Variants in CHODL observed in about 807,000 individuals in gnomAD.
CHODL encodes transmembrane protein MT75.
CHODL carries 29 observed loss-of-function variants against 34.5 expected under a neutral mutation model. The observed-to-expected ratio is 0.84, with a 90% CI of 0.63 to 1.15. The LOEUF (loss-of-function observed/expected upper bound fraction) is 1.15. CHODL is among the 50% of genes most tolerant of loss of function. The pLI is 0.00. For missense variants in CHODL, 332 were observed against 332.5 expected (o/e 1.00, Z 0.01); for synonymous variants, 125 against 116.1 (o/e 1.08, Z -0.49).
intron 2 of CHODL, among the ~76,000 whole-genome samples, chr21:18,205,511 G>A (rs1331631626): frequency 6.6e-6 from 1 of 151,800 alleles, no homozygotes; most frequent in Non-Finnish European, 1.5e-5. Flanking sequence ...GTTTGCATTT[G>A]GCTTGCTCTT....
intron 2 of CHODL, among the ~76,000 whole-genome samples, chr21:18,100,525 T>G (rs975224076): frequency 2.0e-5 from 3 of 152,180 alleles, no homozygotes; most frequent in Non-Finnish European, 4.4e-5. Context: ...ATGCAATTCC[T>G]AATGTTCATA....
chr21:18,248,948 A>G (rs1194158830), intron 1 of CHODL, among the ~76,000 whole-genome samples: 1 of 112,736 alleles, frequency 8.9e-6, no homozygotes, highest in Non-Finnish European at 1.6e-5. Flanking sequence ...TTATGTATAC[A>G]TATATATGTA....
intron 2 of CHODL, among the ~76,000 whole-genome samples, chr21:18,147,104 AT>A (rs1195722644): frequency 4.6e-5 from 7 of 152,194 alleles, no homozygotes; most frequent in Non-Finnish European, 1.0e-4. Context: ...ATGTGCTACT[AT>A]TCTCTAGGGC....
intron 2 of CHODL, among the ~76,000 whole-genome samples, chr21:18,079,040 T>C (rs1021107200): frequency 2.6e-5 from 4 of 152,192 alleles, no homozygotes; most frequent in African/African-American, 9.6e-5. Flanking sequence ...ATATATTGTA[T>C]AGTGGTAAAG....
intron 1 of CHODL, among the ~76,000 whole-genome samples, chr21:17,988,851 A>G (rs1242348197): frequency 6.6e-6 from 1 of 152,036 alleles, no homozygotes; most frequent in Admixed American, 6.5e-5. Context: ...TAATGCCGCA[A>G]TAAACATACA....
chr21:18,146,740 A>C (rs954271767), intron 2 of CHODL, among the ~76,000 whole-genome samples: 3 of 152,114 alleles, frequency 2.0e-5, no homozygotes, highest in African/African-American at 7.2e-5. Flanking sequence ...CATCTCTTTT[A>C]TTTCAAGAGA....
intron 2 of CHODL, among the ~76,000 whole-genome samples, chr21:18,221,124 G>A (rs559922221): frequency 1.3e-5 from 2 of 151,872 alleles, no homozygotes; most frequent in South Asian, 2.1e-4. Context: ...ATTCCAAAAC[G>A]CTTGTCTTCA....
intron 1 of CHODL, among the ~76,000 whole-genome samples, chr21:18,014,540 C>T (rs2064052589): frequency 6.6e-6 from 1 of 152,146 alleles, no homozygotes; most frequent in Non-Finnish European, 1.5e-5. Context: ...GAATTGTAAT[C>T]CCCAGTGCTG....
At chr21:18,124,446 G>C (rs2065518046) in intron 2 of CHODL, among the ~76,000 whole-genome samples, 1 of 152,112 alleles carries the variant, frequency 6.6e-6, no homozygotes, top group South Asian at 2.1e-4. Context: ...TTGTATCTGT[G>C]CTCTGAGGGT....
chr21:18,248,643 TATATATTATATAC>T (rs2074175630), intron 1 of CHODL, among the ~76,000 whole-genome samples: 1 of 128,668 alleles, frequency 7.8e-6, no homozygotes, highest in African/African-American at 3.1e-5. Context: ...TACATATATG[TATATATTATATAC>T]ATATATATGT....
intron 2 of CHODL, among the ~76,000 whole-genome samples, chr21:18,168,786 C>A (rs1049525439): frequency 2.6e-5 from 4 of 152,022 alleles, no homozygotes; most frequent in Non-Finnish European, 5.9e-5. Flanking sequence ...AAATGTCTTG[C>A]TTTTTTCTTT....
intron 2 of CHODL, among the ~76,000 whole-genome samples, chr21:18,104,244 C>T (rs1003612479): frequency 1.3e-5 from 2 of 152,128 alleles, no homozygotes; most frequent in African/African-American, 4.8e-5. Context: ...AATCACCATA[C>T]ACGTGTCAAG....
chr21:17,970,014 G>T (rs197532), intron 1 of CHODL, among the ~76,000 whole-genome samples: 2,256 of 152,254 alleles, frequency 0.015, 49 homozygotes, highest in African/African-American at 0.051. Context: ...GAAGAAGTAT[G>T]TCCTGATTGA....
At chr21:18,056,304 AT>A (rs1202640032) in intron 2 of CHODL, among the ~76,000 whole-genome samples, 1 of 151,786 alleles carries the variant, frequency 6.6e-6, no homozygotes, top group African/African-American at 2.4e-5. Flanking sequence ...CACTTGATTT[AT>A]TTATCTTTTA....
chr21:18,164,918 A>T (rs1056099271), intron 2 of CHODL, among the ~76,000 whole-genome samples: 3 of 152,112 alleles, frequency 2.0e-5, no homozygotes, highest in Non-Finnish European at 4.4e-5. Context: ...TCTCCCTCAA[A>T]CAATTCTGTT....
intron 2 of CHODL, among the ~76,000 whole-genome samples, chr21:18,129,085 TG>T: frequency 6.6e-6 from 1 of 151,746 alleles, no homozygotes; most frequent in East Asian, 2.0e-4. Context: ...TATATTTTAT[TG>T]GATTTTTTTG....
chr21:18,008,899 G>GA (rs1213138434), intron 1 of CHODL, among the ~76,000 whole-genome samples: 1 of 152,086 alleles, frequency 6.6e-6, no homozygotes, highest in African/African-American at 2.4e-5. Context: ...AAATGTCCCA[G>GA]AAATACACTC....
intron 2 of CHODL, among the ~76,000 whole-genome samples, chr21:18,236,037 A>G (rs948289395): frequency 6.6e-6 from 1 of 152,116 alleles, no homozygotes; most frequent in South Asian, 2.1e-4. Context: ...GTATTAGTAC[A>G]TTATCACGCT....
chr21:18,007,265 T>C (rs917997795), intron 1 of CHODL, among the ~76,000 whole-genome samples: 1 of 152,226 alleles, frequency 6.6e-6, no homozygotes, highest in Non-Finnish European at 1.5e-5. Flanking sequence ...GGATTTGTTG[T>C]ACTCTTTTCA....
Sources: gnomAD v4.1 joint callset for allele counts (sites outside exome capture counted in the v4.1 genomes callset) on GRCh38, gnomAD v4.1.1 for gene constraint, MANE v1.5 for transcripts, NCBI Gene and HGNC (gene_info 2026-07-23, HGNC 2026-07-21) for gene names.